The following CCDC170 variants were observed in gnomAD, a reference collection of about 807,000 sequenced individuals.
The protein encoded by CCDC170 is coiled-coil domain containing 170.
Under a neutral mutation model 72.6 loss-of-function variants are expected in CCDC170, and 69 were observed. That is an observed-to-expected ratio of 0.95 (90% confidence interval 0.78 to 1.16). The LOEUF (loss-of-function observed/expected upper bound fraction) is 1.16, where lower values mean the gene tolerates loss of function less well. Ranked by LOEUF, CCDC170 falls within the 50% of genes most tolerant of loss-of-function variation. The pLI is 0.00. For missense variants in CCDC170, 852 were observed against 832.5 expected (o/e 1.02, Z -0.29); for synonymous variants, 300 against 303.9 (o/e 0.99, Z 0.13).
chr6:151,557,797 A>G (rs187259066), intron 5 of CCDC170, among the ~76,000 whole-genome samples: 13 of 152,258 alleles, frequency 8.5e-5, no homozygotes, highest in Admixed American at 2.0e-4. Flanking sequence ...CATTTCCCTG[A>G]TGATCAGTGA....
At chr6:151,560,001 C>T (rs1343700808) in intron 5 of CCDC170, among the ~76,000 whole-genome samples, 1 of 151,856 alleles carries the variant, frequency 6.6e-6, no homozygotes, top group Non-Finnish European at 1.5e-5. Context: ...TGAGTTTGTT[C>T]TTGTTTTTGT....
Position 151,494,048 on chromosome 6 carries a change from C to G in CCDC170, c.-81C>G, listed in dbSNP as rs147911398. ...TTTACCCGTTGCCCGAGGAGACACC[C>G]GCGCCACCCGCCGGCTCCCGGCGCC... On this transcript the variant is annotated 5_prime_UTR_variant, in exon 1 of 11. Transcript: ENST00000239374. 5 of 1,347,726 alleles carry G rather than the reference C, an allele frequency of 3.7e-6. No individual in the cohort carries two copies. Among genetic ancestry groups the G allele is most frequent in the Admixed American group, 3.3e-5 (1 of 30,170 alleles). The allele number at this position is 1,347,726 out of a possible 1,614,324, so 83.5% of individuals were successfully genotyped here.
intron 1 of CCDC170, among the ~76,000 whole-genome samples, chr6:151,506,752 T>G (rs1207211846): frequency 6.6e-6 from 1 of 152,222 alleles, no homozygotes; most frequent in Non-Finnish European, 1.5e-5. Context: ...AGATTAGCAT[T>G]TAAATCAATA....
intron 3 of CCDC170, among the ~76,000 whole-genome samples, chr6:151,540,775 A>G (rs1195534268): frequency 6.6e-6 from 1 of 152,012 alleles, no homozygotes; most frequent in East Asian, 1.9e-4. Context: ...ACCTCCAAAT[A>G]TTATACCATC....
chr6:151,573,132 G>T, intron 5 of CCDC170, 42 bp from the exon 6 acceptor site: 1 of 1,551,514 alleles, frequency 6.4e-7, no homozygotes, highest in South Asian at 1.2e-5. Context: ...GTACCCTGTT[G>T]ACTTCTAATG....
At chr6:151,599,086 C>T (rs2115123442) in intron 9 of CCDC170, among the ~76,000 whole-genome samples, 1 of 152,244 alleles carries the variant, frequency 6.6e-6, no homozygotes, top group African/African-American at 2.4e-5. Flanking sequence ...TGGAGAATGT[C>T]ATTGAACAAA....
At chr6:151,554,591 G>T (rs941981038) in intron 5 of CCDC170, among the ~76,000 whole-genome samples, 1 of 152,070 alleles carries the variant, frequency 6.6e-6, no homozygotes, top group South Asian at 2.1e-4. Flanking sequence ...CAAGCGTGTG[G>T]TGGGCACCTG....
Position 151,613,065 on chromosome 6 carries a change from CA to C in CCDC170, c.1711-2375del, listed in dbSNP as rs1394740629. ...AAGAGCTTCCTTGTAAATGCACTTT[CA>C]AATAAGAGTTTTATTAAGATACAGT... On this transcript the variant is annotated intron_variant, in intron 9 of 10. Coordinates refer to ENST00000239374, the MANE Select transcript of CCDC170 (RefSeq NM_025059.4). Among the ~76,000 whole-genome samples the C allele has an allele frequency of 5.3e-4, 81 of 152,170 alleles. 1 individual carries two copies. The highest frequency in any genetic ancestry group is 1.9e-3 in the African/African-American group (77 of 41,514).
At chr6:151,532,428 G>A (rs2115042147) in intron 1 of CCDC170, among the ~76,000 whole-genome samples, 1 of 152,138 alleles carries the variant, frequency 6.6e-6, no homozygotes, top group East Asian at 1.9e-4. Context: ...CTAACATGGT[G>A]AAACCCTGTC....
rs1181154605 is a variant in CCDC170, at chr6:151,618,045, G to A, written c.2046G>A (p.Leu682=). The change falls in exon 11 of 11, where the codon TTG becomes TTA. Residue 682 remains leucine, a synonymous_variant. Coordinates refer to ENST00000239374, the MANE Select transcript of CCDC170 (RefSeq NM_025059.4). ...DYEIIKCLER[L]VHSHQHHFVT... The stretch of plus-strand genomic sequence containing the variant: ...AAATCATCAAGTGTCTTGAAAGATT[G>A]GTCCATTCACATCAGCATCACTTTG... 6.2e-7 allele frequency: 1 copy of A among 1,614,108 alleles called. No homozygotes were observed. The highest frequency in any genetic ancestry group is 8.5e-7 in the Non-Finnish European group (1 of 1,180,016).
chr6:151,589,455 A>C (rs12202736), intron 7 of CCDC170, among the ~76,000 whole-genome samples: 1,671 of 152,246 alleles, frequency 0.011, 11 homozygotes, highest in Non-Finnish European at 0.016. Context: ...TGCTTCAGTC[A>C]TGGTGGTAAT....
At chr6:151,617,408 C>CTTTTTTTTTTTTTTTTTTTTTTTTTTT (rs745655791) in intron 10 of CCDC170, among the ~76,000 whole-genome samples, 2 of 91,474 alleles carry the variant, frequency 2.2e-5, no homozygotes, top group Non-Finnish European at 4.3e-5. Flanking sequence ...GCTGTTTGTT[C>CTTTTTTTTTTTTTTTTTTTTTTTTTTT]TTTTTTTTTT....
At chr6:151,597,942 C>T (rs1306302753) in intron 9 of CCDC170, among the ~76,000 whole-genome samples, 2 of 152,184 alleles carry the variant, frequency 1.3e-5, no homozygotes, top group East Asian at 3.9e-4. Flanking sequence ...ATTAAGCCAG[C>T]CCTTGAACAT....
At chr6:151,515,474 G>A (rs1782221936) in intron 1 of CCDC170, among the ~76,000 whole-genome samples, 1 of 152,074 alleles carries the variant, frequency 6.6e-6, no homozygotes, top group Non-Finnish European at 1.5e-5. Context: ...GTAGAGACAG[G>A]GTCTCACCAT....
chr6:151,548,248 A>T, intron 4 of CCDC170, 56 bp from the exon 5 acceptor site: 1 of 1,423,406 alleles, frequency 7.0e-7, no homozygotes. Context: ...ACTTGCTTAG[A>T]GAAAATGATG....
chr6:151,500,171 T>C (rs537352699), intron 1 of CCDC170, among the ~76,000 whole-genome samples: 34 of 152,072 alleles, frequency 2.2e-4, no homozygotes, highest in African/African-American at 8.2e-4. Context: ...AGTATCTATT[T>C]CCACTTTTTA....
chr6:151,610,309 A>G (rs1776850410), intron 9 of CCDC170, among the ~76,000 whole-genome samples: 2 of 152,254 alleles, frequency 1.3e-5, no homozygotes, highest in East Asian at 1.9e-4. Context: ...AGTATGATCC[A>G]TGATCAATAC....
intron 1 of CCDC170, among the ~76,000 whole-genome samples, chr6:151,531,673 A>G (rs188339140): frequency 6.0e-4 from 91 of 152,384 alleles, no homozygotes; most frequent in African/African-American, 2.1e-3. Context: ...TAATAAAAAC[A>G]TACCCGAGAC....
intron 1 of CCDC170, among the ~76,000 whole-genome samples, chr6:151,521,638 G>A (rs1449056392): frequency 6.6e-6 from 1 of 152,126 alleles, no homozygotes; most frequent in Non-Finnish European, 1.5e-5. Context: ...AATAGACCAA[G>A]GAAATGTCTT....
Sources: allele counts gnomAD v4.1 joint callset (sites outside exome capture counted in the v4.1 genomes callset), GRCh38; gene constraint gnomAD v4.1.1; transcripts MANE v1.5; gene names NCBI Gene and HGNC (gene_info 2026-07-23, HGNC 2026-07-21).